XIRP2: variants seen among roughly 807,000 people sequenced by gnomAD.
XIRP2 encodes the protein xin actin-binding repeat-containing protein 2.
In XIRP2, 236 loss-of-function variants were observed where a neutral mutation model predicts 277.0. The observed-to-expected ratio is 0.85, with a 90% CI of 0.77 to 0.95. XIRP2 has a LOEUF of 0.95. XIRP2 is among the 40% of genes least tolerant of loss of function. The pLI, the probability that XIRP2 is intolerant of heterozygous loss-of-function variation, is 0.00. For synonymous variants in XIRP2, 1,490 were observed against 1,416.5 expected, an observed-to-expected ratio of 1.05 and a Z score of -1.17; for missense variants, 4,640 against 4,157.5, an observed-to-expected ratio of 1.12 and a Z score of -3.19.
intron 3 of XIRP2, chr2:167,187,160 G>A (rs1693178755): frequency 3.8e-6 from 3 of 789,572 alleles, no homozygotes; most frequent in Non-Finnish European, 4.6e-6. Context: ...GGTCGTGGCT[G>A]TGGAAGGGAG....
At chr2:167,157,126 A>G (rs1232148162) in intron 3 of XIRP2, among the ~76,000 whole-genome samples, 1 of 151,966 alleles carries the variant, frequency 6.6e-6, no homozygotes, top group Non-Finnish European at 1.5e-5. Context: ...CACTAAAATC[A>G]TGGGAACAGG....
At chr2:167,189,399 G>A (rs1293130812) in intron 3 of XIRP2, among the ~76,000 whole-genome samples, 1 of 152,182 alleles carries the variant, frequency 6.6e-6, no homozygotes, top group Non-Finnish European at 1.5e-5. Flanking sequence ...GTGCCCAGCA[G>A]TGTAATTCCA....
intron 2 of XIRP2, among the ~76,000 whole-genome samples, chr2:167,068,310 T>C (rs1689352501): frequency 6.6e-6 from 1 of 152,200 alleles, no homozygotes; most frequent in African/African-American, 2.4e-5. Flanking sequence ...GCTTTTTCTC[T>C]AATTCTTGAA....
rs182503487 is a variant in XIRP2 at position 167,151,392 on chromosome 2, G to T, written c.562+15330G>T. On this transcript the variant is annotated intron_variant, in intron 3 of 10. Transcript: ENST00000409195. ...CACAAAAAGGCTAACTGAAAGCCTG[G>T]ACATCACCACTACACAACATATCCA... 1.9e-3 allele frequency among the ~76,000 whole-genome samples: 284 copies of T among 152,154 alleles called. 3 individuals carry two copies. Among genetic ancestry groups the T allele is most frequent in the African/African-American group, 6.5e-3 (268 of 41,524 alleles).
intron 2 of XIRP2, among the ~76,000 whole-genome samples, chr2:167,089,033 A>C (rs1690062598): frequency 2.6e-5 from 4 of 152,166 alleles, no homozygotes; most frequent in Non-Finnish European, 5.9e-5. Flanking sequence ...GGACAAATTA[A>C]TGACCTGATA....
chr2:167,020,487 C>A (rs573155908), intron 2 of XIRP2, among the ~76,000 whole-genome samples: 1 of 151,946 alleles, frequency 6.6e-6, no homozygotes, highest in East Asian at 1.9e-4. Context: ...TATAAAACAC[C>A]ATGTATTATA....
intron 2 of XIRP2, among the ~76,000 whole-genome samples, chr2:166,984,850 C>T (rs935960429): frequency 6.6e-6 from 1 of 152,200 alleles, no homozygotes; most frequent in Admixed American, 6.5e-5. Flanking sequence ...GATGCCAGGG[C>T]ACTCATGTGT....
At chr2:166,902,526 G>C (rs116470838) in intron 1 of XIRP2, among the ~76,000 whole-genome samples, 2,092 of 151,954 alleles carry the variant, frequency 0.014, 47 homozygotes, top group African/African-American at 0.045. Flanking sequence ...ATTTATTTTG[G>C]GTTAGAACAG....
chr2:167,210,809 C>G lies in XIRP2; in HGVS notation c.637C>G (p.Leu213Val). 1.2e-6 allele frequency: 2 copies of G among 1,614,190 alleles called. No homozygotes were observed. The highest frequency in any genetic ancestry group is 4.5e-5 in the East Asian group (2 of 44,868). The change falls in exon 4 of 11, where the codon CTC becomes GTC. Residue 213 changes from leucine (L) to valine (V), a missense_variant. Leu to Val is a conservative substitution (Grantham distance 32). Coordinates refer to ENST00000409195, the MANE Select transcript of XIRP2 (RefSeq NM_152381.6). ...TGCTCGGGGCGAGGGTGTGTCAGACCTCCACGAAGTGGTCTCCCTGAAGGA... is the reference window on the plus strand; with the variant it reads ...TGCTCGGGGCGAGGGTGTGTCAGACGTCCACGAAGTGGTCTCCCTGAAGGA... ...SAARGEGVSD[L>V]HEVVSLKERM...
At chr2:167,061,279 A>G (rs1236580008) in intron 2 of XIRP2, among the ~76,000 whole-genome samples, 1 of 152,004 alleles carries the variant, frequency 6.6e-6, no homozygotes, top group African/African-American at 2.4e-5. Context: ...TACATGAACA[A>G]TCATGTTACC....
intron 2 of XIRP2, among the ~76,000 whole-genome samples, chr2:167,116,362 G>A (rs568987408): frequency 1.3e-5 from 2 of 152,228 alleles, no homozygotes; most frequent in Admixed American, 1.3e-4. Flanking sequence ...CCTTTTGATC[G>A]ATTAACCATT....
chr2:167,225,939 A>G (rs559054548), intron 5 of XIRP2, among the ~76,000 whole-genome samples: 56 of 152,302 alleles, frequency 3.7e-4, no homozygotes, highest in African/African-American at 1.3e-3. Flanking sequence ...TTGGAAGACC[A>G]AGAGTTTGCT....
intron 1 of XIRP2, chr2:166,889,649 C>T (rs7566782): frequency 0.24 from 35,987 of 152,602 alleles, 4,477 homozygotes; most frequent in Admixed American, 0.29. Flanking sequence ...TGCTCTGTCT[C>T]TCCTGCTAGT....
chr2:166,908,593 T>C (rs1197454041), intron 2 of XIRP2, among the ~76,000 whole-genome samples: 1 of 152,198 alleles, frequency 6.6e-6, no homozygotes, highest in Non-Finnish European at 1.5e-5. Context: ...GTAGTTTCTT[T>C]TGCTGTGCAG....
Position 167,259,324 on chromosome 2 carries a change from G to C in XIRP2, c.*1507G>C, listed in dbSNP as rs1329954213. 1.2e-6 allele frequency: 2 copies of C among 1,611,618 alleles called. No homozygotes were observed. Among genetic ancestry groups the C allele is most frequent in the East Asian group, 2.2e-5 (1 of 44,816 alleles). ...AGTCAGAACAACTCACGGTGGAAGA[G>C]CAGATTAAAAGAAACAGGTGCTACA... is the stretch of plus-strand genomic sequence containing the variant. On this transcript the variant is annotated 3_prime_UTR_variant, in exon 11 of 11. Transcript: ENST00000409195.
intron 9 of XIRP2, among the ~76,000 whole-genome samples, chr2:167,253,738 T>G (rs1695580425): frequency 6.6e-6 from 1 of 151,824 alleles, no homozygotes; most frequent in African/African-American, 2.4e-5. Context: ...ATGTTTGTAA[T>G]GTACTTATAT....
intron 2 of XIRP2, among the ~76,000 whole-genome samples, chr2:166,914,108 G>A (rs967536935): frequency 1.3e-5 from 2 of 152,140 alleles, no homozygotes; most frequent in Non-Finnish European, 2.9e-5. Flanking sequence ...GTCTTTATCA[G>A]AGGAACACAG....
At chr2:166,942,770 G>A (rs1685754154) in intron 2 of XIRP2, among the ~76,000 whole-genome samples, 1 of 151,836 alleles carries the variant, frequency 6.6e-6, no homozygotes, top group Admixed American at 6.6e-5. Context: ...ATATCAGTAT[G>A]AGGTTTTTTT....
At chr2:166,937,850 C>T (rs925872524) in intron 2 of XIRP2, among the ~76,000 whole-genome samples, 1 of 152,112 alleles carries the variant, frequency 6.6e-6, no homozygotes, top group African/African-American at 2.4e-5. Context: ...AGGAATTTAT[C>T]CATTTCTTCT....
Sources: allele counts gnomAD v4.1 joint callset (sites outside exome capture counted in the v4.1 genomes callset), GRCh38; gene constraint gnomAD v4.1.1; transcripts MANE v1.5; gene names NCBI Gene and HGNC (gene_info 2026-07-23, HGNC 2026-07-21).